Variants in GRM7 observed in about 807,000 individuals in gnomAD.
The protein encoded by GRM7 is metabotropic glutamate receptor 7.
A neutral mutation model predicts 84.5 loss-of-function variants in GRM7; 35 were observed. The ratio of observed to expected loss-of-function variants is 0.41; its 90% confidence interval spans 0.32 to 0.55. The LOEUF (loss-of-function observed/expected upper bound fraction) is 0.55. GRM7 is among the 20% of genes least tolerant of loss of function. The pLI, the probability that GRM7 is intolerant of heterozygous loss-of-function variation, is 0.19. For synonymous variants in GRM7, 487 were observed against 455.1 expected (o/e 1.07, Z -0.89); for missense variants, 1,003 against 1,194.6 (o/e 0.84, Z 2.36).
intron 2 of GRM7, among the ~76,000 whole-genome samples, chr3:7,176,974 A>T (rs951228818): frequency 9.2e-5 from 14 of 152,224 alleles, no homozygotes; most frequent in African/African-American, 3.4e-4. Context: ...CAAGTAGTAC[A>T]ATCAGTGCCA....
chr3:7,534,987 G>C (rs1398124445), intron 7 of GRM7, among the ~76,000 whole-genome samples: 1 of 152,130 alleles, frequency 6.6e-6, no homozygotes, highest in Non-Finnish European at 1.5e-5. Flanking sequence ...TTCCACTCTT[G>C]TTTTGCTATG....
In GRM7 at chr3:7,075,496, A is replaced by ATGTGTGTGTGTG. The variant is rs376048569; in HGVS notation, c.520-70918_520-70907dup. Among the ~76,000 whole-genome samples the ATGTGTGTGTGTG allele has an allele frequency of 6.4e-3, 887 of 138,536 alleles. 12 individuals carry two copies. The highest frequency in any genetic ancestry group is 7.5e-3 in the Non-Finnish European group (485 of 64,268). The allele number at this position is 138,536 out of a possible 152,430, so 90.9% of individuals were successfully genotyped here. A position where few individuals can be genotyped will look rare whatever the true frequency, so the allele number is the denominator to read the frequency against. On this transcript the variant is annotated intron_variant, in intron 1 of 9. Transcript: ENST00000357716. Reference sequence around the variant, plus strand: ...CTATCCAAAACTTCTTGCTTCTCAGATGTGTGTGTGTGTGTGTGTGTGTGT... The same window carrying ATGTGTGTGTGTG: ...CTATCCAAAACTTCTTGCTTCTCAGATGTGTGTGTGTGTGTGTGTGTGTGTGTGTGTGTGTGT...
chr3:6,917,816 A>G (rs1186944771), intron 1 of GRM7, among the ~76,000 whole-genome samples: 1 of 152,174 alleles, frequency 6.6e-6, no homozygotes, highest in Non-Finnish European at 1.5e-5. Flanking sequence ...TTTGAGGCTC[A>G]TATCTATATT....
chr3:7,592,690 G>A (rs73809446), intron 8 of GRM7, among the ~76,000 whole-genome samples: 7,228 of 152,224 alleles, frequency 0.047, 470 homozygotes, highest in African/African-American at 0.14. Flanking sequence ...TCTGCTACCT[G>A]ACAAGTGACC....
chr3:7,305,618 A>ATCTCT lies in GRM7; in HGVS notation c.879-879_879-878insCTCTT, dbSNP rs1700167438. ...CAGTGTTTGGTTTTTTGTTCTTGCG[A>ATCTCT]TAGTTTACTGAGAATGATTTTTTTC... On this transcript the variant is annotated intron_variant, in intron 3 of 9. Transcript: ENST00000357716. 2.5e-4 allele frequency among the ~76,000 whole-genome samples: 15 copies of ATCTCT among 58,908 alleles called. 2 individuals are homozygous for ATCTCT. Among genetic ancestry groups the ATCTCT allele is most frequent in the East Asian group, 1.3e-3 (2 of 1,562 alleles). 38.6% of individuals were successfully genotyped at this position (58,908 alleles called of 152,430 possible). A position where few individuals can be genotyped will look rare whatever the true frequency, so the allele number is the denominator to read the frequency against.
At chr3:7,140,964 T>C (rs1478735099) in intron 1 of GRM7, among the ~76,000 whole-genome samples, 1 of 152,058 alleles carries the variant, frequency 6.6e-6, no homozygotes, top group Non-Finnish European at 1.5e-5. Context: ...CTACAAGTTC[T>C]AGCTAAGACT....
chr3:7,041,291 A>G (rs2124941533), intron 1 of GRM7, among the ~76,000 whole-genome samples: 1 of 151,754 alleles, frequency 6.6e-6, no homozygotes, highest in Non-Finnish European at 1.5e-5. Flanking sequence ...AATTCTCCTG[A>G]CTCCTTCCAC....
At chr3:7,351,259 G>A (rs976247221) in intron 4 of GRM7, among the ~76,000 whole-genome samples, 2 of 145,264 alleles carry the variant, frequency 1.4e-5, no homozygotes, top group African/African-American at 2.5e-5. Context: ...CACAAACATA[G>A]CAGGGGCTAC....
At chr3:7,041,920 CA>C (rs1696634999) in intron 1 of GRM7, among the ~76,000 whole-genome samples, 1 of 152,152 alleles carries the variant, frequency 6.6e-6, no homozygotes, top group South Asian at 2.1e-4. Context: ...ATGACTTAAC[CA>C]ATCTTGCTTA....
chr3:7,689,522 AG>A (rs1191521758), intron 9 of GRM7, among the ~76,000 whole-genome samples: 4 of 152,188 alleles, frequency 2.6e-5, no homozygotes, highest in African/African-American at 7.2e-5. Context: ...TCTGCCTAAG[AG>A]GTCTGTGAGA....
chr3:7,143,924 C>G (rs1405011037), intron 1 of GRM7, among the ~76,000 whole-genome samples: 1 of 151,986 alleles, frequency 6.6e-6, no homozygotes, highest in Non-Finnish European at 1.5e-5. Flanking sequence ...TTTTTCTGTC[C>G]AAAGCCTTTA....
intron 1 of GRM7, among the ~76,000 whole-genome samples, chr3:7,029,060 T>C (rs1696086231): frequency 6.6e-6 from 1 of 152,128 alleles, no homozygotes; most frequent in African/African-American, 2.4e-5. Context: ...TCCCAGTATT[T>C]TGGGAGGCCA....
rs537440140 is a variant in GRM7 at position 7,503,747 on chromosome 3, T to C, written c.1515+42025T>C. On this transcript the variant is annotated intron_variant, in intron 7 of 9. Transcript: ENST00000357716. ...GAAGTCAATTGCTAATTATAAAAGC[T>C]TGTAACTTTAGGGACTTAACCAATA... is the stretch of plus-strand genomic sequence containing the variant. Among the ~76,000 whole-genome samples the C allele has an allele frequency of 8.1e-4, 124 of 152,286 alleles. 1 individual carries two copies. In the South Asian group the frequency reaches 0.025, roughly 31 times the overall value.
At chr3:7,472,431 A>G (rs1363982289) in intron 7 of GRM7, among the ~76,000 whole-genome samples, 1 of 152,188 alleles carries the variant, frequency 6.6e-6, no homozygotes, top group African/African-American at 2.4e-5. Flanking sequence ...TCTCTCTCAC[A>G]TTTCTGGGAA....
At chr3:7,670,383 A>AT (rs1241461237) in intron 8 of GRM7, among the ~76,000 whole-genome samples, 1 of 152,186 alleles carries the variant, frequency 6.6e-6, no homozygotes, top group African/African-American at 2.4e-5. Context: ...GATGAATCCG[A>AT]TCATCAAAAC....
At chr3:7,732,361 A>G (rs985435322) in intron 9 of GRM7, among the ~76,000 whole-genome samples, 1 of 152,214 alleles carries the variant, frequency 6.6e-6, no homozygotes. Context: ...TAATGTCAGA[A>G]ACACACATGA....
intron 9 of GRM7, among the ~76,000 whole-genome samples, chr3:7,702,713 T>C (rs576747937): frequency 6.6e-6 from 1 of 152,342 alleles, no homozygotes; most frequent in African/African-American, 2.4e-5. Context: ...TGCACTGTCA[T>C]ATATACTGAT....
intron 1 of GRM7, among the ~76,000 whole-genome samples, chr3:7,008,724 C>T (rs1227402769): frequency 6.6e-6 from 1 of 152,158 alleles, no homozygotes; most frequent in African/African-American, 2.4e-5. Flanking sequence ...CCAGAAGTGG[C>T]TTTCAGAGCC....
In GRM7 at chr3:7,426,530, A is replaced by G. The variant is rs138254543; in HGVS notation, c.1174+11367A>G. Reference sequence around the variant, plus strand: ...CTTTTGACAATCACTCACTCTTCACATCTCAGTGTCACCTCTTTAAGGGAG... The same window carrying G: ...CTTTTGACAATCACTCACTCTTCACGTCTCAGTGTCACCTCTTTAAGGGAG... On this transcript the variant is annotated intron_variant, in intron 5 of 9. Transcript: ENST00000357716. Among the ~76,000 whole-genome samples, 6 of 151,828 alleles carry G rather than the reference A, an allele frequency of 4.0e-5. No homozygotes were observed. The East Asian group carries it at 1.2e-3, about 30-fold the overall frequency.
Sources: gnomAD v4.1 joint callset for allele counts (sites outside exome capture counted in the v4.1 genomes callset) on GRCh38, gnomAD v4.1.1 for gene constraint, MANE v1.5 for transcripts, NCBI Gene and HGNC (gene_info 2026-07-23, HGNC 2026-07-21) for gene names.